Variants in KATNAL1 observed in about 807,000 individuals in gnomAD.
The protein encoded by KATNAL1 is katanin catalytic subunit A1 like 1.
KATNAL1 carries 32 observed loss-of-function variants against 55.2 expected under a neutral mutation model. The observed-to-expected ratio is 0.58, with a 90% CI of 0.44 to 0.78. The LOEUF (loss-of-function observed/expected upper bound fraction) is 0.78, where lower values mean the gene tolerates loss of function less well. KATNAL1 is among the 30% of genes least tolerant of loss of function. The pLI, the probability that KATNAL1 is intolerant of heterozygous loss-of-function variation, is 0.00. For missense variants in KATNAL1, 466 were observed against 600.9 expected, an observed-to-expected ratio of 0.78 and a Z score of 2.35; for synonymous variants, 193 against 193.6, an observed-to-expected ratio of 1.00 and a Z score of 0.02.
At chr13:30,270,838 A>T in intron 3 of KATNAL1, among the ~76,000 whole-genome samples, 1 of 150,792 alleles carries the variant, frequency 6.6e-6, no homozygotes, top group Non-Finnish European at 1.5e-5. Flanking sequence ...TTATCTGCTG[A>T]CCTTCCCTCC....
intron 3 of KATNAL1, among the ~76,000 whole-genome samples, chr13:30,267,173 TTCTAAAAATC>T (rs201473751): frequency 0.015 from 2,217 of 152,318 alleles, 26 homozygotes; most frequent in Middle Eastern, 0.02. Context: ...TACCATTAAA[TTCTAAAAATC>T]TCTGAACTTG....
At chr13:30,253,798 T>C (rs1346625907) in intron 4 of KATNAL1, among the ~76,000 whole-genome samples, 2 of 152,220 alleles carry the variant, frequency 1.3e-5, no homozygotes, top group Non-Finnish European at 2.9e-5. Flanking sequence ...AATCCAGACT[T>C]TTCATCTAGC....
chr13:30,251,895 A>G (rs925686926), intron 4 of KATNAL1, among the ~76,000 whole-genome samples: 2 of 152,222 alleles, frequency 1.3e-5, no homozygotes, highest in Admixed American at 1.3e-4. Context: ...ATAAAGCCTC[A>G]ACAATAGATC....
At chr13:30,210,176 G>A in intron 10 of KATNAL1, 140 bp downstream of exon 10, 1 of 543,250 alleles carries the variant, frequency 1.8e-6, no homozygotes, top group Non-Finnish European at 2.9e-6. Flanking sequence ...AAAAAAAAGG[G>A]ACAAATGGGA....
intron 1 of KATNAL1, among the ~76,000 whole-genome samples, chr13:30,297,013 T>G (rs1377426513): frequency 6.6e-6 from 1 of 151,794 alleles, no homozygotes; most frequent in Admixed American, 6.6e-5. Flanking sequence ...TAGTCACATG[T>G]GGTCCTAGCT....
At chr13:30,294,916 G>A (rs1882379979) in intron 1 of KATNAL1, among the ~76,000 whole-genome samples, 1 of 152,222 alleles carries the variant, frequency 6.6e-6, no homozygotes, top group South Asian at 2.1e-4. Context: ...GCAAAGTCTA[G>A]ATGACAGCAC....
At chr13:30,278,942 T>A (rs1210382224) in intron 3 of KATNAL1, among the ~76,000 whole-genome samples, 1 of 152,240 alleles carries the variant, frequency 6.6e-6, no homozygotes. Flanking sequence ...AATCCTCATC[T>A]ACTGTTTTCA....
rs1478559875 is a variant in KATNAL1, at chr13:30,203,884, A to T, written c.*4656T>A. Reference sequence around the variant, plus strand: ...ATTAAGAAACAAATATTAAAAGCAAATGTCAAAAAAATTTAAGTATGAAAA... The same window carrying T: ...ATTAAGAAACAAATATTAAAAGCAATTGTCAAAAAAATTTAAGTATGAAAA... On this transcript the variant is annotated 3_prime_UTR_variant, in exon 11 of 11. Coordinates refer to ENST00000380615, the MANE Select transcript of KATNAL1 (RefSeq NM_032116.5). The T allele has an allele frequency of 2.0e-5, 3 of 151,044 alleles. No homozygotes were observed. The highest frequency in any genetic ancestry group is 4.1e-4 in the South Asian group (2 of 4,820). The allele number at this position is 151,044 out of a possible 1,614,324, so 9.4% of individuals were successfully genotyped here.
chr13:30,254,020 CTT>C (rs1404473261), intron 4 of KATNAL1, among the ~76,000 whole-genome samples: 2 of 152,294 alleles, frequency 1.3e-5, no homozygotes, highest in African/African-American at 2.4e-5. Context: ...TGTTTAATCA[CTT>C]TGAACGGTGC....
At position 30,280,129 on chromosome 13, in the gene KATNAL1, A is replaced by G. The variant is rs1804003630; in HGVS notation, c.257T>C (p.Val86Ala). 2 of 1,613,618 alleles carry G rather than the reference A, an allele frequency of 1.2e-6. No individual in the cohort carries two copies. The highest frequency in any genetic ancestry group is 3.3e-5 in the Admixed American group (2 of 59,936). Residue 86 changes from valine to alanine, a missense_variant, in exon 3 of 11, where the codon GTG becomes GCG. Transcript: ENST00000380615. ...TCTAAATGGTTCATCTTGACAGGAC[A>G]CAGGGAAATCTGGAGGCTTGTCAAT... is the stretch of plus-strand genomic sequence containing the variant. Reference protein sequence around the residue: ...FKIDKPPDFPVSCQDEPFRDP... With the variant: ...FKIDKPPDFPASCQDEPFRDP...
chr13:30,226,549 T>C (rs1331467482), intron 9 of KATNAL1, among the ~76,000 whole-genome samples: 3 of 152,208 alleles, frequency 2.0e-5, no homozygotes, highest in Non-Finnish European at 4.4e-5. Context: ...TCTATGGTGA[T>C]AAAAATCACG....
At chr13:30,243,699 T>G (rs1414381804) in intron 4 of KATNAL1, among the ~76,000 whole-genome samples, 1 of 150,886 alleles carries the variant, frequency 6.6e-6, no homozygotes, top group Admixed American at 6.6e-5. Context: ...TAACAATAGA[T>G]TCTGTCCAAC....
intron 4 of KATNAL1, among the ~76,000 whole-genome samples, chr13:30,251,114 T>C (rs1046960396): frequency 7.9e-6 from 1 of 126,426 alleles, no homozygotes; most frequent in Admixed American, 1.1e-4. Flanking sequence ...CTCCAGTCTC[T>C]GGGCGACAGA....
chr13:30,238,815 G>C (rs1876957673), intron 6 of KATNAL1, among the ~76,000 whole-genome samples: 1 of 152,144 alleles, frequency 6.6e-6, no homozygotes, highest in Admixed American at 6.5e-5. Flanking sequence ...GTTTATAACA[G>C]GGCTAAATAA....
Position 30,270,181 on chromosome 13 carries a change from G to A in KATNAL1, c.323+9882C>T, listed in dbSNP as rs1296630231. The stretch of plus-strand genomic sequence containing the variant: ...GAGGAGCCTCTCTGCCCAGCCAGCC[G>A]CCTCGTCCGGGAAGGAGGTGGGGGG... On this transcript the variant is annotated intron_variant, in intron 3 of 10. Transcript: ENST00000380615. 4.3e-5 allele frequency among the ~76,000 whole-genome samples: 5 copies of A among 115,396 alleles called. 1 individual carries two copies. In the South Asian group the frequency reaches 1.3e-3, roughly 30 times the overall value. 75.7% of individuals were successfully genotyped at this position (115,396 alleles called of 152,430 possible).
At chr13:30,261,671 C>A (rs1459716417) in intron 3 of KATNAL1, among the ~76,000 whole-genome samples, 1 of 152,280 alleles carries the variant, frequency 6.6e-6, no homozygotes, top group South Asian at 2.1e-4. Context: ...AGCTAACTAT[C>A]CTAAATATAT....
intron 4 of KATNAL1, among the ~76,000 whole-genome samples, chr13:30,253,683 A>G (rs903440130): frequency 7.6e-6 from 1 of 131,938 alleles, no homozygotes; most frequent in Non-Finnish European, 1.6e-5. Flanking sequence ...AAAAAAAAAA[A>G]TGTATTTGAC....
intron 8 of KATNAL1, 43 bp from the exon 9 acceptor site, chr13:30,227,589 C>G (rs759254106): frequency 1.1e-5 from 17 of 1,571,160 alleles, no homozygotes; most frequent in African/African-American, 4.1e-5. Flanking sequence ...TTTCTTACAA[C>G]TCTTTATTCT....
At chr13:30,260,331 G>T (rs560704674) in intron 3 of KATNAL1, among the ~76,000 whole-genome samples, 1 of 152,174 alleles carries the variant, frequency 6.6e-6, no homozygotes. Flanking sequence ...CTCCTCCAAA[G>T]GAATGCAGTT....
Sources: allele counts gnomAD v4.1 joint callset (sites outside exome capture counted in the v4.1 genomes callset), GRCh38; gene constraint gnomAD v4.1.1; transcripts MANE v1.5; gene names NCBI Gene and HGNC (gene_info 2026-07-23, HGNC 2026-07-21).